Variants in COMMD1 observed in about 807,000 individuals in gnomAD.
The protein encoded by COMMD1 is copper metabolism domain containing 1.
A neutral mutation model predicts 17.2 loss-of-function variants in COMMD1; 10 were observed. The ratio of observed to expected loss-of-function variants is 0.58; its 90% confidence interval spans 0.36 to 0.99. The LOEUF (loss-of-function observed/expected upper bound fraction) is 0.99, where lower values mean the gene tolerates loss of function less well. Ranked by LOEUF, COMMD1 falls within the 50% of genes least tolerant of loss-of-function variation. The pLI is 0.01. For missense variants in COMMD1, 270 were observed against 231.8 expected, an observed-to-expected ratio of 1.17 and a Z score of -1.07; for synonymous variants, 97 against 91.6, an observed-to-expected ratio of 1.06 and a Z score of -0.34.
chr2:61,908,538 A>C (rs1372039176), intron 1 of COMMD1, among the ~76,000 whole-genome samples: 1 of 144,856 alleles, frequency 6.9e-6, no homozygotes, highest in East Asian at 2.1e-4. Flanking sequence ...ATTTAACTTA[A>C]AAGCAACACT....
At chr2:62,087,974 C>G (rs1671715641) in intron 2 of COMMD1, among the ~76,000 whole-genome samples, 1 of 152,196 alleles carries the variant, frequency 6.6e-6, no homozygotes, top group Non-Finnish European at 1.5e-5. Context: ...TTCTTCCTCA[C>G]ACTGTTTTTC....
intron 2 of COMMD1, among the ~76,000 whole-genome samples, chr2:62,132,674 G>C (rs1673076186): frequency 6.6e-6 from 1 of 151,874 alleles, no homozygotes; most frequent in African/African-American, 2.4e-5. Flanking sequence ...ACGACACCCT[G>C]TCTCTATTGA....
chr2:61,937,631 A>C (rs919021257), intron 1 of COMMD1, among the ~76,000 whole-genome samples: 3 of 152,232 alleles, frequency 2.0e-5, no homozygotes. Flanking sequence ...TGAGGTTACA[A>C]AACTGACTTA....
At chr2:61,922,209 T>C (rs11683332) in intron 1 of COMMD1, among the ~76,000 whole-genome samples, 16,795 of 152,186 alleles carry the variant, frequency 0.11, 2,136 homozygotes, top group African/African-American at 0.31. Context: ...TCTGGGCCAA[T>C]GCAGGGAAGA....
At chr2:62,134,007 G>T (rs568959944) in intron 2 of COMMD1, among the ~76,000 whole-genome samples, 1 of 151,790 alleles carries the variant, frequency 6.6e-6, no homozygotes, top group African/African-American at 2.4e-5. Flanking sequence ...CATTATTATT[G>T]CCCAGGCTGG....
At chr2:62,089,233 T>C (rs144361674) in intron 2 of COMMD1, among the ~76,000 whole-genome samples, 49 of 152,116 alleles carry the variant, frequency 3.2e-4, no homozygotes, top group African/African-American at 1.2e-3. Context: ...GATTTTCCCC[T>C]ACAAGGATGA....
At chr2:62,047,126 T>G (rs564053291) in intron 2 of COMMD1, among the ~76,000 whole-genome samples, 1 of 152,312 alleles carries the variant, frequency 6.6e-6, no homozygotes, top group South Asian at 2.1e-4. Flanking sequence ...AGTCTGCATA[T>G]TGCTAGTACT....
chr2:62,002,906 C>T (rs1400208199), intron 2 of COMMD1, among the ~76,000 whole-genome samples: 1 of 152,042 alleles, frequency 6.6e-6, no homozygotes, highest in Non-Finnish European at 1.5e-5. Flanking sequence ...AGTAGTGCTA[C>T]TTGTACTTGT....
intron 1 of COMMD1, among the ~76,000 whole-genome samples, chr2:61,975,118 C>CTTTTTTTTTTTTTTTCT (rs1671760716): frequency 1.2e-5 from 1 of 80,164 alleles, no homozygotes; most frequent in Non-Finnish European, 2.4e-5. Flanking sequence ...TCATTTCTTT[C>CTTTTTTTTTTTTTTTCT]TTTTTTTTTT....
intron 2 of COMMD1, among the ~76,000 whole-genome samples, chr2:62,001,594 G>C (rs1668942670): frequency 6.6e-6 from 1 of 152,012 alleles, no homozygotes; most frequent in Admixed American, 6.6e-5. Flanking sequence ...ATGACTGCCA[G>C]CTCAGACTTT....
At chr2:62,045,584 T>C (rs2103906188) in intron 2 of COMMD1, among the ~76,000 whole-genome samples, 1 of 151,312 alleles carries the variant, frequency 6.6e-6, no homozygotes, top group East Asian at 1.9e-4. Flanking sequence ...GTATTTTTAG[T>C]AGAGACAGGG....
intron 2 of COMMD1, among the ~76,000 whole-genome samples, chr2:62,035,805 C>CT (rs1670022399): frequency 1.3e-5 from 2 of 148,356 alleles, no homozygotes; most frequent in East Asian, 2.0e-4. Flanking sequence ...AATTCCAGCA[C>CT]TTTGGGGGGC....
rs545138012 is a variant in COMMD1 at position 62,115,689 on chromosome 2, A to G, written c.463-20142A>G. ...TATACACTAAGCTAAATAGAGATAA[A>G]GGGGTATGACATCCTGTACTTACAA... On this transcript the variant is annotated intron_variant, in intron 2 of 2. Coordinates refer to ENST00000311832, the MANE Select transcript of COMMD1 (RefSeq NM_152516.4). 2.6e-5 allele frequency among the ~76,000 whole-genome samples: 4 copies of G among 152,270 alleles called. No homozygotes were observed. The South Asian group carries it at 6.2e-4, about 24-fold the overall frequency.
At position 61,956,813 on chromosome 2, in the gene COMMD1, C is replaced by T. The variant is rs533613488; in HGVS notation, c.181-43888C>T. On this transcript the variant is annotated intron_variant, in intron 1 of 2. Transcript: ENST00000311832. Reference sequence around the variant, plus strand: ...GTCGCCAGGCTGGTATGCAGTGGTGCGATATCAGCTCACTGCAACCTTTGC... The same window carrying T: ...GTCGCCAGGCTGGTATGCAGTGGTGTGATATCAGCTCACTGCAACCTTTGC... Among the ~76,000 whole-genome samples the T allele has an allele frequency of 4.0e-5, 6 of 151,448 alleles. No homozygotes were observed. In the East Asian group the frequency reaches 7.8e-4, roughly 20 times the overall value.
chr2:61,934,066 T>C (rs908385208), intron 1 of COMMD1, among the ~76,000 whole-genome samples: 1 of 152,158 alleles, frequency 6.6e-6, no homozygotes, highest in African/African-American at 2.4e-5. Flanking sequence ...CGCCCGGCCT[T>C]TCTTTTTTGG....
chr2:61,889,552 G>T (rs2105149394), intron 1 of COMMD1, among the ~76,000 whole-genome samples: 1 of 152,260 alleles, frequency 6.6e-6, no homozygotes, highest in Non-Finnish European at 1.5e-5. Context: ...TATCCGCGAG[G>T]TGGGGTGGGC....
intron 1 of COMMD1, among the ~76,000 whole-genome samples, chr2:61,983,325 G>T (rs1198402017): frequency 1.3e-5 from 2 of 151,908 alleles, no homozygotes. Context: ...GAGTAGTTAG[G>T]ACTACAGGCA....
chr2:61,998,084 C>T (rs1188480179), intron 1 of COMMD1, among the ~76,000 whole-genome samples: 1 of 152,140 alleles, frequency 6.6e-6, no homozygotes, highest in Non-Finnish European at 1.5e-5. Flanking sequence ...TCAAACTTTT[C>T]TTCTGTAAAC....
At chr2:62,127,320 C>T (rs1370659349) in intron 2 of COMMD1, among the ~76,000 whole-genome samples, 1 of 152,142 alleles carries the variant, frequency 6.6e-6, no homozygotes, top group African/African-American at 2.4e-5. Context: ...TTTATAGATT[C>T]AGTGCTATTG....
Sources: allele counts gnomAD v4.1 joint callset (sites outside exome capture counted in the v4.1 genomes callset), GRCh38; gene constraint gnomAD v4.1.1; transcripts MANE v1.5; gene names NCBI Gene and HGNC (gene_info 2026-07-23, HGNC 2026-07-21).